SLC22A3: variants seen among roughly 807,000 people sequenced by gnomAD.
The protein encoded by SLC22A3 is EMT organic cation transporter 3.
Under a neutral mutation model 59.1 loss-of-function variants are expected in SLC22A3, and 51 were observed. That is an observed-to-expected ratio of 0.86 (90% CI 0.69 to 1.09). SLC22A3 has a LOEUF of 1.09. Ranked by LOEUF, SLC22A3 falls within the 50% of genes least tolerant of loss-of-function variation. The pLI is 0.00. For synonymous variants in SLC22A3, 325 were observed against 292.0 expected, an observed-to-expected ratio of 1.11 and a Z score of -1.15; for missense variants, 711 against 726.3, an observed-to-expected ratio of 0.98 and a Z score of 0.24.
chr6:160,414,049 C>T (rs770299990), intron 5 of SLC22A3, among the ~76,000 whole-genome samples: 14 of 152,146 alleles, frequency 9.2e-5, no homozygotes, highest in South Asian at 2.1e-4. Flanking sequence ...TCCTTTAACA[C>T]GTTTCTCTGT....
intron 1 of SLC22A3, among the ~76,000 whole-genome samples, chr6:160,366,826 C>T (rs1002002511): frequency 2.0e-5 from 3 of 152,256 alleles, no homozygotes; most frequent in African/African-American, 7.2e-5. Context: ...GCCTGGATTC[C>T]ATTGTCCACT....
At chr6:160,409,849 C>T (rs1787175591) in intron 4 of SLC22A3, among the ~76,000 whole-genome samples, 1 of 152,056 alleles carries the variant, frequency 6.6e-6, no homozygotes, top group South Asian at 2.1e-4. Flanking sequence ...AGTAACCAAC[C>T]ATATCTGCCA....
chr6:160,418,717 C>T (rs574399985), intron 5 of SLC22A3, among the ~76,000 whole-genome samples: 1 of 152,286 alleles, frequency 6.6e-6, no homozygotes, highest in Non-Finnish European at 1.5e-5. Context: ...AAAGATCCCT[C>T]TCCTCTGCCC....
intron 1 of SLC22A3, among the ~76,000 whole-genome samples, chr6:160,386,129 C>T (rs1317652): frequency 0.46 from 70,705 of 152,092 alleles, 16,744 homozygotes; most frequent in East Asian, 0.56. Context: ...AGCACGGGCA[C>T]CTTCTGCCTG....
chr6:160,442,283 G>A (rs542541316), intron 7 of SLC22A3, among the ~76,000 whole-genome samples: 3 of 152,274 alleles, frequency 2.0e-5, no homozygotes, highest in South Asian at 4.2e-4. Flanking sequence ...AGAAACCAAG[G>A]TCAGCTCACG....
chr6:160,373,703 G>T (rs1007413392), intron 1 of SLC22A3, among the ~76,000 whole-genome samples: 3 of 152,164 alleles, frequency 2.0e-5, no homozygotes, highest in Admixed American at 6.5e-5. Flanking sequence ...GAGAGGCCCT[G>T]CCCAGAGAGG....
At chr6:160,443,361 T>C (rs986667963) in intron 8 of SLC22A3, among the ~76,000 whole-genome samples, 3 of 152,148 alleles carry the variant, frequency 2.0e-5, no homozygotes, top group African/African-American at 7.2e-5. Flanking sequence ...GAAACCAAAG[T>C]AGCACAAAGT....
chr6:160,416,851 G>A (rs1787515389), intron 5 of SLC22A3, among the ~76,000 whole-genome samples: 1 of 152,150 alleles, frequency 6.6e-6, no homozygotes, highest in South Asian at 2.1e-4. Flanking sequence ...CTTATCTGAG[G>A]ATATGGCCAT....
chr6:160,404,919 A>G lies in SLC22A3; in HGVS notation c.534-2122A>G, dbSNP rs376270701. 3.7e-4 allele frequency among the ~76,000 whole-genome samples: 56 copies of G among 152,166 alleles called. 2 individuals carry two copies. The South Asian group carries it at 0.011, about 29-fold the overall frequency. On this transcript the variant is annotated intron_variant, in intron 2 of 10. Coordinates refer to ENST00000275300, the MANE Select transcript of SLC22A3 (RefSeq NM_021977.4). ...ACAGACCTTACACCCTTTAAAAAAA[A>G]TGGATCACAGACCTAAATGTAAAAT...
At chr6:160,424,149 C>T (rs953114731) in intron 5 of SLC22A3, among the ~76,000 whole-genome samples, 2 of 152,050 alleles carry the variant, frequency 1.3e-5, no homozygotes, top group East Asian at 1.9e-4. Context: ...CTGGAGTTGA[C>T]AAAAGAATCT....
chr6:160,374,858 G>A (rs780861716), intron 1 of SLC22A3, among the ~76,000 whole-genome samples: 2 of 152,216 alleles, frequency 1.3e-5, no homozygotes, highest in Admixed American at 6.5e-5. Flanking sequence ...TTAGCATGAT[G>A]TTTTTAAAAG....
At chr6:160,442,011 A>C (rs1788560177) in intron 7 of SLC22A3, among the ~76,000 whole-genome samples, 1 of 152,226 alleles carries the variant, frequency 6.6e-6, no homozygotes. Flanking sequence ...AAAATATTTA[A>C]TATAGAATGT....
At chr6:160,374,638 C>G (rs575249031) in intron 1 of SLC22A3, among the ~76,000 whole-genome samples, 1 of 152,128 alleles carries the variant, frequency 6.6e-6, no homozygotes, top group Non-Finnish European at 1.5e-5. Context: ...AATTACCCAG[C>G]GTGTGTGGAG....
rs1488157310 is a variant in SLC22A3 at position 160,451,746 on chromosome 6, A to G, written c.*690A>G. ...AACCAATCTGCTGTACAATCTGAGG[A>G]CTTGGCTCTGTTATTTACAAAATGA... On this transcript the variant is annotated 3_prime_UTR_variant, in exon 11 of 11. Transcript: ENST00000275300. 6.6e-6 allele frequency: 1 copy of G among 152,180 alleles called. No individual in the cohort carries two copies. Among genetic ancestry groups the G allele is most frequent in the East Asian group, 1.9e-4 (1 of 5,190 alleles). The allele number at this position is 152,180 out of a possible 1,614,324, so 9.4% of individuals were successfully genotyped here.
In SLC22A3 at chr6:160,451,008, T is replaced by C. The variant is rs760996423; in HGVS notation, c.1623T>C (p.Cys541=). ...TTTGTTTTTTCAGTCCACATTCCTG[T>C]AAATGTGGCAGGAATAAGAAAACCC... is the stretch of plus-strand genomic sequence containing the variant. The part of the protein sequence containing the change: ...DVEKLGSPHS[C]KCGRNKKTPV... The change falls in exon 11 of 11, where the codon TGT becomes TGC. Residue 541 remains cysteine, a synonymous_variant. Coordinates refer to ENST00000275300, the MANE Select transcript of SLC22A3 (RefSeq NM_021977.4). 1.3e-6 allele frequency: 2 copies of C among 1,593,766 alleles called. No homozygotes were observed. Among genetic ancestry groups the C allele is most frequent in the Non-Finnish European group, 1.7e-6 (2 of 1,167,990 alleles).
At chr6:160,367,295 C>T (rs972252834) in intron 1 of SLC22A3, among the ~76,000 whole-genome samples, 2 of 152,034 alleles carry the variant, frequency 1.3e-5, no homozygotes, top group African/African-American at 2.4e-5. Context: ...CATCAGATCT[C>T]GTGATAACTC....
chr6:160,365,310 G>A (rs437865), intron 1 of SLC22A3, among the ~76,000 whole-genome samples: 124,309 of 152,138 alleles, frequency 0.82, 51,050 homozygotes, highest in East Asian at 0.93. Flanking sequence ...AAGTTAAGAT[G>A]TCATGAAAAA....
intron 5 of SLC22A3, among the ~76,000 whole-genome samples, chr6:160,427,590 T>A (rs1471159608): frequency 6.6e-6 from 1 of 152,214 alleles, no homozygotes; most frequent in Non-Finnish European, 1.5e-5. Context: ...TTATTGATGA[T>A]GATGTTAAAG....
intron 5 of SLC22A3, among the ~76,000 whole-genome samples, chr6:160,420,907 G>A (rs1390400232): frequency 6.6e-6 from 1 of 152,228 alleles, no homozygotes; most frequent in East Asian, 1.9e-4. Flanking sequence ...TTGGGGGCAG[G>A]TTGCTGAGCC....
Sources: allele counts gnomAD v4.1 joint callset (sites outside exome capture counted in the v4.1 genomes callset), GRCh38; gene constraint gnomAD v4.1.1; transcripts MANE v1.5; gene names NCBI Gene and HGNC (gene_info 2026-07-23, HGNC 2026-07-21).